ADCY2: variants seen among roughly 807,000 people sequenced by gnomAD.
ADCY2 encodes the protein adenylate cyclase type 2.
A neutral mutation model predicts 125.2 loss-of-function variants in ADCY2; 31 were observed. The ratio of observed to expected loss-of-function variants is 0.25; its 90% CI spans 0.19 to 0.33. ADCY2 has a LOEUF of 0.33. ADCY2 is among the 10% of genes least tolerant of loss of function. The pLI is 1.00. For missense variants in ADCY2, 904 were observed against 1,418.2 expected (o/e 0.64, Z 5.82); for synonymous variants, 512 against 548.4 (o/e 0.93, Z 0.93).
rs1416317230 is a variant in ADCY2, at chr5:7,465,096, A to ACTG, written c.408+50327_408+50328insTGC. Reference sequence around the variant, plus strand: ...ACTATGAGAACAGTATGGGGGAACCACCCCCATGATTCAGTTATCTCCCAC... The same window carrying ACTG: ...ACTATGAGAACAGTATGGGGGAACCACTGCCCCCATGATTCAGTTATCTCCCAC... On this transcript the variant is annotated intron_variant, in intron 2 of 24. Coordinates refer to ENST00000338316, the MANE Select transcript of ADCY2 (RefSeq NM_020546.3). Among the ~76,000 whole-genome samples, 313 of 152,264 alleles carry ACTG rather than the reference A, an allele frequency of 2.1e-3. 1 individual carries two copies. Among genetic ancestry groups the ACTG allele is most frequent in the African/African-American group, 7.2e-3 (301 of 41,550 alleles).
chr5:7,541,852 G>A (rs1334754585), intron 3 of ADCY2, among the ~76,000 whole-genome samples: 2 of 152,120 alleles, frequency 1.3e-5, no homozygotes, highest in Non-Finnish European at 1.5e-5. Flanking sequence ...AAAAATACAT[G>A]TAAAAGAAAT....
At chr5:7,496,807 A>C (rs556062143) in intron 2 of ADCY2, among the ~76,000 whole-genome samples, 1 of 152,288 alleles carries the variant, frequency 6.6e-6, no homozygotes, top group East Asian at 1.9e-4. Flanking sequence ...TAGCAAATAT[A>C]ATGGGGCAAT....
chr5:7,814,101 G>C (rs1745029648), intron 22 of ADCY2, among the ~76,000 whole-genome samples: 1 of 152,080 alleles, frequency 6.6e-6, no homozygotes, highest in Admixed American at 6.5e-5. Flanking sequence ...TTCCACCAAA[G>C]TTAGCTGACG....
chr5:7,455,452 T>C (rs1483588406), intron 2 of ADCY2, among the ~76,000 whole-genome samples: 3 of 152,052 alleles, frequency 2.0e-5, no homozygotes, highest in Non-Finnish European at 2.9e-5. Context: ...TCACACATTA[T>C]TATAGGGGAT....
intron 4 of ADCY2, among the ~76,000 whole-genome samples, chr5:7,627,673 T>A (rs1738179597): frequency 6.6e-6 from 1 of 152,250 alleles, no homozygotes; most frequent in Non-Finnish European, 1.5e-5. Context: ...CAAAGTGTAT[T>A]GTGGTAGGAG....
intron 1 of ADCY2, among the ~76,000 whole-genome samples, chr5:7,403,099 A>G (rs1213629079): frequency 6.6e-6 from 1 of 152,106 alleles, no homozygotes; most frequent in Non-Finnish European, 1.5e-5. Context: ...GCTTACTCCC[A>G]ACACTGAATT....
At chr5:7,625,607 T>C (rs1448395499) in intron 3 of ADCY2, among the ~76,000 whole-genome samples, 2 of 152,236 alleles carry the variant, frequency 1.3e-5, no homozygotes, top group East Asian at 3.8e-4. Flanking sequence ...AAACAAAAGA[T>C]AATAGGTGAA....
intron 4 of ADCY2, among the ~76,000 whole-genome samples, chr5:7,675,080 G>A (rs577752190): frequency 5.5e-4 from 84 of 151,866 alleles, no homozygotes; most frequent in African/African-American, 1.7e-3. Flanking sequence ...GCGTGAACCC[G>A]GGAGGCAGCA....
chr5:7,757,717 C>G (rs12653968), intron 16 of ADCY2, 131 bp downstream of exon 16: 1 of 1,331,078 alleles, frequency 7.5e-7, no homozygotes, highest in Non-Finnish European at 1.0e-6. Context: ...TCAACATGCT[C>G]AGCCCCGGGG....
intron 3 of ADCY2, among the ~76,000 whole-genome samples, chr5:7,547,574 C>G (rs1735187263): frequency 6.6e-6 from 1 of 152,214 alleles, no homozygotes; most frequent in Non-Finnish European, 1.5e-5. Context: ...TCTTACAAGC[C>G]TTCAGAATTA....
At chr5:7,509,367 G>C (rs1006037600) in intron 2 of ADCY2, among the ~76,000 whole-genome samples, 1 of 152,188 alleles carries the variant, frequency 6.6e-6, no homozygotes, top group Non-Finnish European at 1.5e-5. Context: ...CCGTCCTTTC[G>C]CACAGCGTAG....
At chr5:7,758,871 A>G (rs530969862) in intron 16 of ADCY2, among the ~76,000 whole-genome samples, 2 of 152,328 alleles carry the variant, frequency 1.3e-5, no homozygotes, top group South Asian at 2.1e-4. Flanking sequence ...GTAGAAATTC[A>G]TATTACGAAG....
intron 7 of ADCY2, among the ~76,000 whole-genome samples, chr5:7,699,080 C>CCTTTTTTT (rs1740989782): frequency 2.7e-5 from 1 of 36,556 alleles, no homozygotes; most frequent in Non-Finnish European, 5.7e-5. Context: ...CAACAGTAAG[C>CCTTTTTTT]ATTTTTTTTT....
chr5:7,611,293 A>T (rs1045961936), intron 3 of ADCY2: 2 of 152,224 alleles, frequency 1.3e-5, no homozygotes, highest in African/African-American at 4.8e-5. Context: ...GTAGTTAAAT[A>T]ATGAGAAGAT....
chr5:7,652,821 C>G (rs1322017530), intron 4 of ADCY2, among the ~76,000 whole-genome samples: 2 of 152,156 alleles, frequency 1.3e-5, no homozygotes, highest in African/African-American at 4.8e-5. Context: ...ACAAAGAGAC[C>G]CTCTCTTGCT....
intron 14 of ADCY2, among the ~76,000 whole-genome samples, chr5:7,742,178 G>C (rs1034666637): frequency 6.8e-6 from 1 of 147,916 alleles, no homozygotes; most frequent in African/African-American, 2.5e-5. Context: ...CAGAAGAGAA[G>C]ATAGCAAATC....
chr5:7,789,731 C>T lies in ADCY2; in HGVS notation c.2559C>T (p.Arg853=), dbSNP rs760993821. 5 of 1,567,784 alleles carry T rather than the reference C, an allele frequency of 3.2e-6. No individual in the cohort carries two copies. The highest frequency in any genetic ancestry group is 3.5e-6 in the Non-Finnish European group (4 of 1,152,176). Residue 853 remains arginine (R), a synonymous_variant, in exon 20 of 25, where the codon CGC becomes CGT. Transcript: ENST00000338316. ...EEIETMENLN[R]VLLENVLPAH... Reference sequence around the variant, plus strand: ...TAGAGACCATGGAGAACCTGAACCGCGTGCTGCTGGAGAACGTGCTTCCCG... The same window carrying T: ...TAGAGACCATGGAGAACCTGAACCGTGTGCTGCTGGAGAACGTGCTTCCCG...
intron 2 of ADCY2, among the ~76,000 whole-genome samples, chr5:7,445,702 C>G (rs1237789339): frequency 6.6e-6 from 1 of 152,130 alleles, no homozygotes; most frequent in African/African-American, 2.4e-5. Flanking sequence ...ATTTATGTGC[C>G]TCAGCATTGC....
At chr5:7,599,400 G>T (rs376975925) in intron 3 of ADCY2, among the ~76,000 whole-genome samples, 3 of 152,212 alleles carry the variant, frequency 2.0e-5, no homozygotes, top group African/African-American at 7.2e-5. Context: ...GGTCAAGGAG[G>T]AATGTCCTGT....
Sources: gnomAD v4.1 joint callset for allele counts (sites outside exome capture counted in the v4.1 genomes callset) on GRCh38, gnomAD v4.1.1 for gene constraint, MANE v1.5 for transcripts, NCBI Gene and HGNC (gene_info 2026-07-23, HGNC 2026-07-21) for gene names.